The following TNRC6A variants were observed in gnomAD, a reference collection of about 807,000 sequenced individuals.
The protein encoded by TNRC6A is trinucleotide repeat containing adaptor 6A.
TNRC6A carries 44 observed loss-of-function variants against 221.2 expected under a neutral mutation model. The ratio of observed to expected loss-of-function variants is 0.20; its 90% CI spans 0.16 to 0.26. The LOEUF is 0.26. Ranked by LOEUF, TNRC6A falls within the 10% of genes least tolerant of loss-of-function variation. The probability of loss-of-function intolerance (pLI) is 1.00; values close to 1 mark genes in which losing one functional copy is unlikely to be tolerated. For synonymous variants in TNRC6A, 847 were observed against 838.5 expected (o/e 1.01, Z -0.18); for missense variants, 2,199 against 2,404.4 (o/e 0.91, Z 1.79).
intron 11 of TNRC6A, among the ~76,000 whole-genome samples, chr16:24,801,276 A>G (rs1397639850): frequency 3.3e-5 from 5 of 152,144 alleles, no homozygotes; most frequent in Non-Finnish European, 7.3e-5. Flanking sequence ...CATTTAGGGG[A>G]GTGATCCTAA....
Position 24,614,895 on chromosome 16 carries a change from C to A in TNRC6A, n.276+4411C>A, listed in dbSNP as rs1360032013. Among the ~76,000 whole-genome samples, 5 of 152,186 alleles carry A rather than the reference C, an allele frequency of 3.3e-5. No individual in the cohort carries two copies. In the East Asian group the frequency reaches 9.7e-4, roughly 29 times the overall value. On this transcript the variant is annotated intron_variant and non_coding_transcript_variant, in intron 1 of 2. Transcript: ENST00000566108. ...GACCAGCCTGGCTAACACAGTGAAACCTCGTCTCTACTAAAAATACAAAAA... is the reference window on the plus strand; with the variant it reads ...GACCAGCCTGGCTAACACAGTGAAAACTCGTCTCTACTAAAAATACAAAAA...
chr16:24,791,459 G>A lies in TNRC6A; in HGVS notation c.2817G>A (p.Lys939=), dbSNP rs771397249. ...CTCTAGGTTGGGGAGATTCGTCAAAGCCAGTCAGCTCTCCAGACTGGAACA... is the reference window on the plus strand; with the variant it reads ...CTCTAGGTTGGGGAGATTCGTCAAAACCAGTCAGCTCTCCAGACTGGAACA... The part of the protein sequence containing the change: ...NQSLGWGDSS[K]PVSSPDWNKQ... Residue 939 remains lysine, a synonymous_variant, in exon 6 of 25, where the codon AAG becomes AAA. Transcript: ENST00000395799. The A allele has an allele frequency of 4.6e-6, 7 of 1,531,496 alleles. No individual in the cohort carries two copies. The highest frequency in any genetic ancestry group is 1.3e-5 in the South Asian group (1 of 75,988). 94.9% of individuals were successfully genotyped at this position (1,531,496 alleles called of 1,614,324 possible).
chr16:24,797,999 A>C (rs2058255130), intron 11 of TNRC6A, 33 bp downstream of exon 11: 4 of 1,573,752 alleles, frequency 2.5e-6, no homozygotes, highest in Non-Finnish European at 3.5e-6. Context: ...TATATTCCTC[A>C]TTGAGGGACA....
At chr16:24,746,158 A>T (rs1264987654) in intron 2 of TNRC6A, among the ~76,000 whole-genome samples, 1 of 152,110 alleles carries the variant, frequency 6.6e-6, no homozygotes. Context: ...TACCTGTCTT[A>T]CTTCACTAAT....
intron 2 of TNRC6A, among the ~76,000 whole-genome samples, chr16:24,704,664 C>CAAAAAAAAAAAAAAAAAAAAAA (rs58926085): frequency 1.2e-4 from 8 of 69,464 alleles, no homozygotes; most frequent in Non-Finnish European, 1.7e-4. Flanking sequence ...GACTCCGTCT[C>CAAAAAAAAAAAAAAAAAAAAAA]AAAAAAAAAA....
At chr16:24,728,636 G>T (rs1455648705), upstream of TNRC6A, among the ~76,000 whole-genome samples, 1 of 152,096 alleles carries the variant, frequency 6.6e-6, no homozygotes, top group East Asian at 1.9e-4. Context: ...AAGAACACAC[G>T]CAAGTGAAAA....
chr16:24,616,797 G>C (rs1411872449), intron 1 of TNRC6A, among the ~76,000 whole-genome samples: 1 of 151,902 alleles, frequency 6.6e-6, no homozygotes, highest in Non-Finnish European at 1.5e-5. Context: ...AGCTGGACAT[G>C]GTAGTGCATG....
chr16:24,730,148 T>G, intron 1 of TNRC6A, 105 bp from the exon 2 acceptor site: 1 of 388,606 alleles, frequency 2.6e-6, no homozygotes, highest in East Asian at 1.2e-4. Flanking sequence ...CCCTCCCCCA[T>G]CCGGCCCCGG....
intron 2 of TNRC6A, among the ~76,000 whole-genome samples, chr16:24,677,360 G>T (rs1257888767): frequency 6.6e-6 from 1 of 151,918 alleles, no homozygotes; most frequent in East Asian, 1.9e-4. Context: ...ACGGGGTTTT[G>T]CCAGGTTGGC....
intron 1 of TNRC6A, among the ~76,000 whole-genome samples, chr16:24,620,435 T>C (rs1185893179): frequency 1.3e-5 from 2 of 152,192 alleles, no homozygotes. Context: ...ATGCCTTATA[T>C]ACCAAGTCAA....
At chr16:24,708,958 G>A (rs753844411) in intron 2 of TNRC6A, among the ~76,000 whole-genome samples, 4 of 152,040 alleles carry the variant, frequency 2.6e-5, no homozygotes, top group Non-Finnish European at 5.9e-5. Flanking sequence ...TGCCATAAAC[G>A]TAAGTGTGCA....
At chr16:24,650,718 C>T (rs1902597407) in intron 2 of TNRC6A, among the ~76,000 whole-genome samples, 1 of 151,678 alleles carries the variant, frequency 6.6e-6, no homozygotes, top group Non-Finnish European at 1.5e-5. Context: ...CGAATTGACA[C>T]CTGTTAGATG....
Position 24,729,888 on chromosome 16 carries a change from G to A in TNRC6A, c.5+42G>A, listed in dbSNP as rs1219106630. On this transcript the variant is annotated intron_variant, in intron 1 of 24. Transcript: ENST00000395799. ...CCTCCCTCCGGGCGGGAGGAGCCGC[G>A]GGCGCTGCCGCAGGGCCCGCAACCC... 2.4e-6 allele frequency: 3 copies of A among 1,240,636 alleles called. No individual in the cohort carries two copies. The South Asian group carries it at 9.3e-5, about 39-fold the overall frequency. The allele number at this position is 1,240,636 out of a possible 1,614,324, so 76.9% of individuals were successfully genotyped here. A position where few individuals can be genotyped will look rare whatever the true frequency, so the allele number is the denominator to read the frequency against.
chr16:24,726,989 T>C (rs940101394), upstream of TNRC6A, among the ~76,000 whole-genome samples: 1 of 151,958 alleles, frequency 6.6e-6, no homozygotes, highest in Non-Finnish European at 1.5e-5. Flanking sequence ...AGATGGGATG[T>C]CCAATCACTG....
At chr16:24,687,405 T>G (rs2055648714) in intron 2 of TNRC6A, among the ~76,000 whole-genome samples, 1 of 152,198 alleles carries the variant, frequency 6.6e-6, no homozygotes, top group South Asian at 2.1e-4. Flanking sequence ...ACGTAAGGTC[T>G]TTTACAATTT....
chr16:24,611,015 G>T (rs986058983), intron 1 of TNRC6A, among the ~76,000 whole-genome samples: 1 of 152,010 alleles, frequency 6.6e-6, no homozygotes, highest in Non-Finnish European at 1.5e-5. Flanking sequence ...GTTTCACCAT[G>T]TTGGCCAGGC....
At chr16:24,776,192 G>C (rs1285902250) in intron 4 of TNRC6A, 3 of 895,672 alleles carry the variant, frequency 3.3e-6, no homozygotes, top group Admixed American at 6.2e-5. Flanking sequence ...CTAGCTTAAG[G>C]CATTTCCATC....
intron 1 of TNRC6A, among the ~76,000 whole-genome samples, chr16:24,629,186 A>G (rs1022596665): frequency 6.6e-6 from 1 of 152,262 alleles, no homozygotes; most frequent in East Asian, 1.9e-4. Flanking sequence ...ATGTGACATA[A>G]TAAATTCCCC....
At position 24,617,216 on chromosome 16, in the gene TNRC6A, C is replaced by G. The variant is rs537194437; in HGVS notation, n.276+6732C>G. Among the ~76,000 whole-genome samples the G allele has an allele frequency of 5.9e-5, 9 of 152,022 alleles. No homozygotes were observed. The South Asian group carries it at 1.9e-3, about 32-fold the overall frequency. On this transcript the variant is annotated intron_variant and non_coding_transcript_variant, in intron 1 of 2. Transcript: ENST00000566108. ...TCATAGCTCACTCCAGCCTCCCACTCCTGGGCTCAGGTGATCCTCCCACAT... is the reference window on the plus strand; with the variant it reads ...TCATAGCTCACTCCAGCCTCCCACTGCTGGGCTCAGGTGATCCTCCCACAT...
Sources: gnomAD v4.1 joint callset for allele counts (sites outside exome capture counted in the v4.1 genomes callset) on GRCh38, gnomAD v4.1.1 for gene constraint, MANE v1.5 for transcripts, NCBI Gene and HGNC (gene_info 2026-07-23, HGNC 2026-07-21) for gene names.